The following AGPS variants were observed in gnomAD, a reference collection of about 807,000 sequenced individuals.
AGPS encodes the protein alkylglycerone phosphate synthase, also known as alkyldihydroxyacetonephosphate synthase, peroxisomal.
In AGPS, 26 loss-of-function variants were observed where a neutral mutation model predicts 90.7. The ratio of observed to expected loss-of-function variants is 0.29; its 90% CI spans 0.21 to 0.40. AGPS has a LOEUF of 0.40. AGPS is among the 10% of genes least tolerant of loss of function. AGPS has a pLI of 1.00. For synonymous variants in AGPS, 294 were observed against 285.3 expected, an observed-to-expected ratio of 1.03 and a Z score of -0.31; for missense variants, 540 against 816.1, an observed-to-expected ratio of 0.66 and a Z score of 4.12.
chr2:177,486,045 T>TA (rs1688083430), intron 11 of AGPS, among the ~76,000 whole-genome samples: 2 of 152,256 alleles, frequency 1.3e-5, no homozygotes, highest in Admixed American at 1.3e-4. Context: ...AGTCTATAGC[T>TA]ATGACAGTTC....
intron 10 of AGPS, among the ~76,000 whole-genome samples, chr2:177,469,253 C>T (rs1012791682): frequency 2.0e-5 from 3 of 152,048 alleles, no homozygotes; most frequent in Non-Finnish European, 2.9e-5. Flanking sequence ...TCTACATTAA[C>T]AGAGGAGCTC....
rs540058890 is a variant in AGPS at position 177,451,216 on chromosome 2, A to G, written c.870+5590A>G. 2.6e-5 allele frequency among the ~76,000 whole-genome samples: 4 copies of G among 152,128 alleles called. No homozygotes were observed. In the South Asian group the frequency reaches 8.3e-4, roughly 32 times the overall value. On this transcript the variant is annotated intron_variant, in intron 8 of 19. Coordinates refer to ENST00000264167, the MANE Select transcript of AGPS (RefSeq NM_003659.4). ...CTTCAACCTACCACCCTGGCCTCCC[A>G]AAGTGTTGGGATTATCGGTATGAGC...
At chr2:177,449,007 C>T (rs180723139) in intron 8 of AGPS, among the ~76,000 whole-genome samples, 18 of 152,274 alleles carry the variant, frequency 1.2e-4, no homozygotes, top group Non-Finnish European at 2.5e-4. Flanking sequence ...CATATTGTTG[C>T]ATTTATCAGT....
At chr2:177,420,576 T>A (rs1296975983) in intron 2 of AGPS, among the ~76,000 whole-genome samples, 2 of 151,726 alleles carry the variant, frequency 1.3e-5, no homozygotes, top group Non-Finnish European at 3.0e-5. Flanking sequence ...ATATATTATA[T>A]GTCTTAAAAA....
chr2:177,472,449 C>A (rs2105681144), intron 10 of AGPS, among the ~76,000 whole-genome samples: 1 of 152,096 alleles, frequency 6.6e-6, no homozygotes, highest in Non-Finnish European at 1.5e-5. Context: ...ATTTCTGATT[C>A]AAGGTATTTT....
At chr2:177,450,409 A>G (rs1437774274) in intron 8 of AGPS, among the ~76,000 whole-genome samples, 1 of 152,062 alleles carries the variant, frequency 6.6e-6, no homozygotes, top group Non-Finnish European at 1.5e-5. Context: ...GAGTTTTATA[A>G]TTTTTAGTCT....
intron 1 of AGPS, among the ~76,000 whole-genome samples, chr2:177,404,096 A>G (rs528846126): frequency 6.6e-6 from 1 of 152,226 alleles, no homozygotes. Flanking sequence ...AAATCATCGG[A>G]ATCTTTGGAG....
chr2:177,469,498 C>A (rs1687548691), intron 10 of AGPS, among the ~76,000 whole-genome samples: 1 of 152,090 alleles, frequency 6.6e-6, no homozygotes, highest in South Asian at 2.1e-4. Flanking sequence ...TCATGGTAAC[C>A]AATGACAGAC....
intron 1 of AGPS, among the ~76,000 whole-genome samples, chr2:177,397,033 G>A (rs908971610): frequency 6.6e-6 from 1 of 150,418 alleles, no homozygotes; most frequent in South Asian, 2.1e-4. Flanking sequence ...CCTGCCTCCC[G>A]GGTTCAAGCG....
intron 13 of AGPS, among the ~76,000 whole-genome samples, chr2:177,498,525 G>A (rs939864785): frequency 6.7e-6 from 1 of 149,444 alleles, no homozygotes; most frequent in African/African-American, 2.5e-5. Flanking sequence ...ATCTTTTCCT[G>A]TGATTATTTA....
intron 8 of AGPS, among the ~76,000 whole-genome samples, chr2:177,455,485 A>C (rs1687085606): frequency 6.6e-6 from 1 of 151,644 alleles, no homozygotes; most frequent in Non-Finnish European, 1.5e-5. Flanking sequence ...ACAAGGATGG[A>C]GTCTCGCTAT....
chr2:177,412,268 T>C (rs575427085), intron 1 of AGPS, among the ~76,000 whole-genome samples: 1 of 152,122 alleles, frequency 6.6e-6, no homozygotes, highest in South Asian at 2.1e-4. Context: ...GAGGTATGGG[T>C]CAGAAGGAAA....
At chr2:177,497,788 A>T in intron 13 of AGPS, 23 bp downstream of exon 13, 1 of 1,272,064 alleles carries the variant, frequency 7.9e-7, no homozygotes, top group East Asian at 2.4e-5. Flanking sequence ...ATAAAATGCT[A>T]AAATTGTAAA....
Position 177,470,809 on chromosome 2 carries a change from G to A in AGPS, c.1105+2285G>A, listed in dbSNP as rs549210350. 4.2e-4 allele frequency among the ~76,000 whole-genome samples: 63 copies of A among 151,592 alleles called. 1 individual carries two copies. In the South Asian group the frequency reaches 0.01, roughly 24 times the overall value. ...TTTATTACAAAGTACATGCAACATA[G>A]CATACTGATAAAAGAGCATGAACCA... On this transcript the variant is annotated intron_variant, in intron 10 of 19. Transcript: ENST00000264167.
chr2:177,539,206 A>G lies in AGPS; in HGVS notation c.*1011A>G, dbSNP rs2105747710. The G allele has an allele frequency of 6.6e-6, 1 of 152,098 alleles. No homozygotes were observed. Among genetic ancestry groups the G allele is most frequent in the East Asian group, 1.9e-4 (1 of 5,200 alleles). The allele number at this position is 152,098 out of a possible 1,614,324, so 9.4% of individuals were successfully genotyped here. A position where few individuals can be genotyped will look rare whatever the true frequency, so the allele number is the denominator to read the frequency against. On this transcript the variant is annotated 3_prime_UTR_variant, in exon 20 of 20. Coordinates refer to ENST00000264167, the MANE Select transcript of AGPS (RefSeq NM_003659.4). ...ATTTTTTAAAATTAATCCCAATGGC[A>G]TGATAAATTTTCATATAAAAAGTAA...
chr2:177,493,623 A>G (rs144010495), intron 12 of AGPS, among the ~76,000 whole-genome samples: 152 of 152,260 alleles, frequency 1.0e-3, no homozygotes, highest in African/African-American at 1.7e-3. Context: ...AAATTGTTCT[A>G]TGTGGCTCAA....
chr2:177,451,791 T>C (rs1232396804), intron 8 of AGPS, among the ~76,000 whole-genome samples: 1 of 152,182 alleles, frequency 6.6e-6, no homozygotes, highest in Non-Finnish European at 1.5e-5. Context: ...AGTAATTTAT[T>C]TGAGTTCAGT....
chr2:177,505,356 TA>T (rs1184321691), intron 14 of AGPS, 149 bp from the exon 15 acceptor site: 2 of 707,318 alleles, frequency 2.8e-6, no homozygotes, highest in African/African-American at 3.6e-5. Context: ...ATTTCGTGGA[TA>T]AAAGTTTGAA....
intron 1 of AGPS, among the ~76,000 whole-genome samples, chr2:177,401,324 C>G (rs1187334437): frequency 1.3e-5 from 2 of 152,130 alleles, no homozygotes; most frequent in East Asian, 3.8e-4. Context: ...AACTTCTTTT[C>G]ATTCTTTTAA....
Sources: allele counts gnomAD v4.1 joint callset (sites outside exome capture counted in the v4.1 genomes callset), GRCh38; gene constraint gnomAD v4.1.1; transcripts MANE v1.5; gene names NCBI Gene and HGNC (gene_info 2026-07-23, HGNC 2026-07-21).